KALRN: variants seen among roughly 807,000 people sequenced by gnomAD.
KALRN encodes kalirin RhoGEF kinase, also known as kalirin.
In KALRN, 70 loss-of-function variants were observed where a neutral mutation model predicts 353.7. The ratio of observed to expected loss-of-function variants is 0.20; its 90% CI spans 0.16 to 0.24. KALRN has a LOEUF of 0.24. Among genes scored for constraint, KALRN ranks in the 10% least tolerant of loss-of-function variants. The pLI, the probability that KALRN is intolerant of heterozygous loss-of-function variation, is 1.00. For synonymous variants in KALRN, 1,391 were observed against 1,434.8 expected, an observed-to-expected ratio of 0.97 and a Z score of 0.69; for missense variants, 2,791 against 3,756.7, an observed-to-expected ratio of 0.74 and a Z score of 6.72.
intron 34 of KALRN, among the ~76,000 whole-genome samples, chr3:124,563,836 C>G (rs1032921784): frequency 6.6e-6 from 1 of 151,820 alleles, no homozygotes; most frequent in African/African-American, 2.4e-5. Flanking sequence ...GACCCTGTCT[C>G]TACAAAAATT....
chr3:124,475,055 A>G lies in KALRN; in HGVS notation c.4101+323A>G, dbSNP rs574843954. Among the ~76,000 whole-genome samples, 4 of 152,352 alleles carry G rather than the reference A, an allele frequency of 2.6e-5. 1 individual carries two copies. Among genetic ancestry groups the G allele is most frequent in the African/African-American group, 9.6e-5 (4 of 41,574 alleles). ...TAGGGAATTAGAACTTTAGGAAGCC[A>G]CCTAACCATTTAAAAAAAATTTTTT... On this transcript the variant is annotated intron_variant, in intron 26 of 59. Transcript: ENST00000682506.
At chr3:124,469,236 G>C (rs564737171) in intron 25 of KALRN, among the ~76,000 whole-genome samples, 2 of 152,304 alleles carry the variant, frequency 1.3e-5, no homozygotes, top group Admixed American at 1.3e-4. Flanking sequence ...TGCTGCTTGT[G>C]GTTGGAGGCT....
At chr3:124,558,533 C>T (rs67258669) in intron 33 of KALRN, among the ~76,000 whole-genome samples, 32,349 of 152,234 alleles carry the variant, frequency 0.21, 3,675 homozygotes, top group East Asian at 0.28. Flanking sequence ...CCGCCCTCGG[C>T]CTCCCGAAAT....
At chr3:124,451,923 G>T (rs552895408) in intron 21 of KALRN, among the ~76,000 whole-genome samples, 1 of 152,140 alleles carries the variant, frequency 6.6e-6, no homozygotes, top group Non-Finnish European at 1.5e-5. Context: ...TACTCTGCAA[G>T]CAATCACCCA....
intron 10 of KALRN, among the ~76,000 whole-genome samples, chr3:124,381,162 G>T (rs1452673803): frequency 2.0e-5 from 3 of 152,102 alleles, no homozygotes; most frequent in African/African-American, 7.2e-5. Context: ...TATGAGGGTG[G>T]ACTTCCTAGA....
intron 10 of KALRN, among the ~76,000 whole-genome samples, chr3:124,353,758 G>GA (rs35205735): frequency 0.2 from 29,360 of 149,184 alleles, 2,910 homozygotes; most frequent in Middle Eastern, 0.24. Context: ...TTAGGCAAAT[G>GA]AAAAAAAAAA....
At chr3:124,110,467 GCGCACACA>G (rs1202820415) in intron 1 of KALRN, among the ~76,000 whole-genome samples, 2 of 54,250 alleles carry the variant, frequency 3.7e-5, no homozygotes, top group Non-Finnish European at 5.2e-5. Flanking sequence ...ATACACACGC[GCGCACACA>G]CACACACACA....
chr3:124,465,962 C>T (rs1344685832), intron 25 of KALRN, among the ~76,000 whole-genome samples: 1 of 151,868 alleles, frequency 6.6e-6, no homozygotes, highest in African/African-American at 2.4e-5. Flanking sequence ...CATATCTTAA[C>T]TAGATAGTAT....
At chr3:124,385,405 G>A (rs150753852) in intron 11 of KALRN, among the ~76,000 whole-genome samples, 4 of 152,306 alleles carry the variant, frequency 2.6e-5, no homozygotes, top group Admixed American at 2.6e-4. Context: ...AATTTCTCTT[G>A]GTTGCTGTTT....
At chr3:124,211,303 A>T (rs2076876990) in intron 1 of KALRN, among the ~76,000 whole-genome samples, 2 of 152,224 alleles carry the variant, frequency 1.3e-5, no homozygotes, top group Admixed American at 1.3e-4. Context: ...CACTTTTTTG[A>T]GGTGGACATT....
At chr3:124,188,025 C>A (rs1055533569) in intron 1 of KALRN, among the ~76,000 whole-genome samples, 3 of 152,152 alleles carry the variant, frequency 2.0e-5, no homozygotes, top group Admixed American at 2.0e-4. Context: ...AGCAAACCAA[C>A]AACATACAAG....
chr3:124,163,707 C>G (rs1283265207), intron 1 of KALRN: 2 of 985,374 alleles, frequency 2.0e-6, no homozygotes, highest in Non-Finnish European at 2.4e-6. Context: ...CTGAGTGGCT[C>G]TTTACCATAG....
intron 6 of KALRN, among the ~76,000 whole-genome samples, chr3:124,309,218 A>G (rs952316546): frequency 6.6e-6 from 1 of 151,990 alleles, no homozygotes; most frequent in African/African-American, 2.4e-5. Flanking sequence ...CCAAACATTT[A>G]AAGAATTAAT....
rs547250076 is a variant in KALRN, at chr3:124,534,420, G to A, written c.4936-28423G>A. 9.7e-4 allele frequency among the ~76,000 whole-genome samples: 147 copies of A among 152,258 alleles called. 1 individual carries two copies. The highest frequency in any genetic ancestry group is 3.5e-3 in the African/African-American group (144 of 41,556). On this transcript the variant is annotated intron_variant, in intron 33 of 59. Coordinates refer to ENST00000682506, the MANE Select transcript of KALRN (RefSeq NM_001388419.1). ...GAGAGCATTAGGACAAATAGTTAAT[G>A]CACAGAGGGCTTAAAACCTAGATGA...
At chr3:124,609,499 C>G (rs333334) in intron 34 of KALRN, among the ~76,000 whole-genome samples, 64,580 of 152,078 alleles carry the variant, frequency 0.42, 14,915 homozygotes, top group East Asian at 0.63. Context: ...TAGCTAGGAT[C>G]CTTCTGCATC....
At chr3:124,671,091 C>T (rs1399446303) in intron 47 of KALRN, among the ~76,000 whole-genome samples, 1 of 152,118 alleles carries the variant, frequency 6.6e-6, no homozygotes, top group South Asian at 2.1e-4. Context: ...CTCTCCAGTC[C>T]CTCCTCCTAA....
At chr3:124,346,221 A>G (rs1360163609) in intron 9 of KALRN, among the ~76,000 whole-genome samples, 1 of 152,182 alleles carries the variant, frequency 6.6e-6, no homozygotes, top group African/African-American at 2.4e-5. Flanking sequence ...GGCCATCTGC[A>G]AGAATGCAAA....
intron 19 of KALRN, among the ~76,000 whole-genome samples, chr3:124,444,609 GC>G (rs1222555731): frequency 6.6e-6 from 1 of 151,266 alleles, no homozygotes; most frequent in East Asian, 2.0e-4. Context: ...ACCAGCCTGG[GC>G]AACATAGTGA....
rs187814937 is a variant in KALRN at position 124,422,787 on chromosome 3, A to T, written c.2543-25A>T. 8.5e-3 allele frequency: 13,586 copies of T among 1,607,210 alleles called. 65 individuals are homozygous for T. The highest frequency in any genetic ancestry group is 0.01 in the Non-Finnish European group (12,038 of 1,174,682). On this transcript the variant is annotated intron_variant, in intron 14 of 59. Coordinates refer to ENST00000682506, the MANE Select transcript of KALRN (RefSeq NM_001388419.1). ...CCTTCACAGTACTAGCTGGTTTTTAATTGTTTCCATTTTTTTAAAATCAGG... is the reference window on the plus strand; with the variant it reads ...CCTTCACAGTACTAGCTGGTTTTTATTTGTTTCCATTTTTTTAAAATCAGG...
Sources: allele counts gnomAD v4.1 joint callset (sites outside exome capture counted in the v4.1 genomes callset), GRCh38; gene constraint gnomAD v4.1.1; transcripts MANE v1.5; gene names NCBI Gene and HGNC (gene_info 2026-07-23, HGNC 2026-07-21).